Variants in F2 observed in about 807,000 individuals in gnomAD.
F2 encodes prothrombin.
F2 carries 34 observed loss-of-function variants against 81.9 expected under a neutral mutation model. The observed-to-expected ratio is 0.42, with a 90% confidence interval of 0.32 to 0.55. The LOEUF (loss-of-function observed/expected upper bound fraction) is 0.55, where lower values mean the gene tolerates loss of function less well. Among genes scored for constraint, F2 ranks in the 20% least tolerant of loss-of-function variants. The probability of loss-of-function intolerance (pLI) is 0.18; values close to 1 mark genes in which losing one functional copy is unlikely to be tolerated. For missense variants in F2, 630 were observed against 833.4 expected, an observed-to-expected ratio of 0.76 and a Z score of 3.00; for synonymous variants, 296 against 326.4, an observed-to-expected ratio of 0.91 and a Z score of 1.01.
At chr11:46,738,635 A>T (rs1365656624) in intron 12 of F2, among the ~76,000 whole-genome samples, 1 of 151,904 alleles carries the variant, frequency 6.6e-6, no homozygotes, top group Non-Finnish European at 1.5e-5. Context: ...CACCATGCCC[A>T]GCTAATTTTT....
intron 6 of F2, among the ~76,000 whole-genome samples, chr11:46,724,642 C>T (rs1041758803): frequency 1.1e-4 from 16 of 152,200 alleles, no homozygotes; most frequent in African/African-American, 3.6e-4. Flanking sequence ...TGTAAAATCA[C>T]AGAGCAAGGG....
chr11:46,732,186 T>A (rs2064917551), intron 12 of F2, among the ~76,000 whole-genome samples: 1 of 152,020 alleles, frequency 6.6e-6, no homozygotes, highest in African/African-American at 2.4e-5. Context: ...AGTGCTGGGA[T>A]TACAGGTGTG....
At chr11:46,721,443 G>A (rs2064836048) in intron 4 of F2, among the ~76,000 whole-genome samples, 1 of 152,174 alleles carries the variant, frequency 6.6e-6, no homozygotes, top group African/African-American at 2.4e-5. Context: ...AGCTTTAGGT[G>A]TCACTGAACC....
At chr11:46,724,392 T>C (rs2064858365) in intron 6 of F2, among the ~76,000 whole-genome samples, 1 of 152,182 alleles carries the variant, frequency 6.6e-6, no homozygotes, top group South Asian at 2.1e-4. Context: ...GTCTGGCTCC[T>C]CGTTGAGGGT....
Position 46,720,751 on chromosome 11 carries a change from TA to T in F2, c.266-38del, listed in dbSNP as rs765766459. 31 of 1,611,694 alleles carry T rather than the reference TA, an allele frequency of 1.9e-5. No homozygotes were observed. The South Asian group carries it at 2.7e-4, about 14-fold the overall frequency. ...CCCTGACTCCAGCTCATCCTGGCCATACCCCAATCCCAAAGGTAAACACCTG... is the reference window on the plus strand; with the variant it reads ...CCCTGACTCCAGCTCATCCTGGCCATCCCCAATCCCAAAGGTAAACACCTG... On this transcript the variant is annotated intron_variant, in intron 3 of 13. Transcript: ENST00000311907.
chr11:46,732,564 AT>A (rs1454385547), intron 12 of F2, among the ~76,000 whole-genome samples: 1 of 151,418 alleles, frequency 6.6e-6, no homozygotes, highest in Non-Finnish European at 1.5e-5. Context: ...CGCCTGGCTA[AT>A]TTTTTGTATT....
rs745891479 is a variant in F2, at chr11:46,723,125, G to A, written c.317-55G>A. 3 of 1,505,812 alleles carry A rather than the reference G, an allele frequency of 2.0e-6. No individual in the cohort carries two copies. The highest frequency in any genetic ancestry group is 4.5e-5 in the East Asian group (2 of 44,382). The allele number at this position is 1,505,812 out of a possible 1,614,324, so 93.3% of individuals were successfully genotyped here. A position where few individuals can be genotyped will look rare whatever the true frequency, so the allele number is the denominator to read the frequency against. On this transcript the variant is annotated intron_variant, in intron 4 of 13. Transcript: ENST00000311907. This position sits in a 1 kb window ranked among gnomAD's most constrained non-coding sequence, Gnocchi z 5.6. ...GGTGGGGGATAGACAACTTTGCAGG[G>A]AGAGAGGAAATAAGTCCCCAGGCTC...
At chr11:46,734,748 T>C (rs756869268) in intron 12 of F2, among the ~76,000 whole-genome samples, 1 of 151,890 alleles carries the variant, frequency 6.6e-6, no homozygotes, top group Non-Finnish European at 1.5e-5. Flanking sequence ...GAGGCGGAGG[T>C]TGCAGTGAGC....
At position 46,737,839 on chromosome 11, in the gene F2, CTTTT is replaced by C. The variant is rs112666449; in HGVS notation, c.1655-1200_1655-1197del. On this transcript the variant is annotated intron_variant, in intron 12 of 13. Coordinates refer to ENST00000311907, the MANE Select transcript of F2 (RefSeq NM_000506.5). ...GTTTACTTTGCTGTTCTCTTGCTAG[CTTTT>C]TTTTTTTTCAGATAGGGTCTTGCTC... Among the ~76,000 whole-genome samples the C allele has an allele frequency of 4.2e-5, 6 of 141,356 alleles. No individual in the cohort carries two copies. In the South Asian group the frequency reaches 1.4e-3, roughly 32 times the overall value. 92.7% of individuals were successfully genotyped at this position (141,356 alleles called of 152,430 possible).
intron 4 of F2, 136 bp downstream of exon 4, chr11:46,720,976 C>A: frequency 1.2e-6 from 1 of 846,650 alleles, no homozygotes; most frequent in South Asian, 1.4e-5. Flanking sequence ...TTCCTGGGGT[C>A]AAGATGTCTC....
chr11:46,728,804 C>T lies in F2; in HGVS notation c.1439C>T (p.Pro480Leu), dbSNP rs769172477. 6.2e-7 allele frequency: 1 copy of T among 1,614,140 alleles called. No homozygotes were observed. Among genetic ancestry groups the T allele is most frequent in the Admixed American group, 1.7e-5 (1 of 60,018 alleles). The change falls in exon 11 of 14, where the codon CCT becomes CTT. Residue 480 changes from proline to leucine, a missense_variant. Pro to Leu is a moderately conservative substitution (Grantham distance 98). Coordinates refer to ENST00000311907, the MANE Select transcript of F2 (RefSeq NM_000506.5). The surrounding 1 kb of genome is among the most constrained non-coding windows in gnomAD (Gnocchi z 5.1). ...KPVAFSDYIH[P>L]VCLPDRETAA... Reference sequence around the variant, plus strand: ...GTTGCCTTCAGTGACTACATTCACCCTGTGTGTCTGCCCGACAGGGAGACG... The same window carrying T: ...GTTGCCTTCAGTGACTACATTCACCTTGTGTGTCTGCCCGACAGGGAGACG...
chr11:46,728,633 C>T lies in F2; in HGVS notation c.1299-31C>T, dbSNP rs896788186. On this transcript the variant is annotated intron_variant, in intron 10 of 13. Transcript: ENST00000311907. This position sits in a 1 kb window ranked among gnomAD's most constrained non-coding sequence, Gnocchi z 5.1. ...TGCTCCTTGCTGGGTGAACCTGCAG[C>T]TTCTCCATTTCTTTCTTGGGGTCTC... The T allele has an allele frequency of 1.2e-6, 2 of 1,612,260 alleles. No homozygotes were observed. Among genetic ancestry groups the T allele is most frequent in the Non-Finnish European group, 1.7e-6 (2 of 1,178,458 alleles).
At chr11:46,738,218 C>G (rs1230394727) in intron 12 of F2, among the ~76,000 whole-genome samples, 1 of 151,978 alleles carries the variant, frequency 6.6e-6, no homozygotes, top group Non-Finnish European at 1.5e-5. Flanking sequence ...CCAGGCTGGT[C>G]TTAAACTCCT....
intron 12 of F2, among the ~76,000 whole-genome samples, chr11:46,731,833 A>G (rs2064913588): frequency 6.6e-6 from 1 of 151,890 alleles, no homozygotes; most frequent in South Asian, 2.1e-4. Context: ...TGAGGAAGGC[A>G]ATGTCTGCCA....
At position 46,723,485 on chromosome 11, in the gene F2, G is replaced by A. The variant is rs752361229; in HGVS notation, c.526G>A (p.Val176Met). 59 of 1,614,032 alleles carry A rather than the reference G, an allele frequency of 3.7e-5. No individual in the cohort carries two copies. In the South Asian group the frequency reaches 4.3e-4, roughly 12 times the overall value. The change falls in exon 6 of 14, where the codon GTG becomes ATG. Residue 176 changes from valine to methionine, a missense_variant. Val to Met is a conservative substitution (Grantham distance 21). Transcript: ENST00000311907. The surrounding 1 kb of genome is among the most constrained non-coding windows in gnomAD (Gnocchi z 5.6). ...GPWCYTTDPTVRRQECSIPVC... is the reference protein window; with the variant it reads ...GPWCYTTDPTMRRQECSIPVC... ...CTGGTGCTACACTACAGACCCCACC[G>A]TGAGGAGGCAGGAATGCAGCATCCC...
intron 12 of F2, among the ~76,000 whole-genome samples, chr11:46,732,559 G>A (rs2064920077): frequency 6.6e-6 from 1 of 151,582 alleles, no homozygotes; most frequent in Non-Finnish European, 1.5e-5. Context: ...CACCACGCCT[G>A]GCTAATTTTT....
intron 4 of F2, among the ~76,000 whole-genome samples, chr11:46,721,411 G>T (rs1436618967): frequency 6.6e-6 from 1 of 152,128 alleles, no homozygotes; most frequent in Admixed American, 6.5e-5. Context: ...TCAGAGCTTT[G>T]ATGATGTCAC....
intron 6 of F2, among the ~76,000 whole-genome samples, chr11:46,725,653 C>T (rs1363644781): frequency 1.3e-5 from 2 of 152,182 alleles, no homozygotes; most frequent in African/African-American, 2.4e-5. Flanking sequence ...GACACTTATG[C>T]TGTATATTTT....
At position 46,724,311 on chromosome 11, in the gene F2, C is replaced by T. The variant is rs3136456; in HGVS notation, c.559+793C>T. 6.6e-5 allele frequency among the ~76,000 whole-genome samples: 10 copies of T among 152,208 alleles called. No individual in the cohort carries two copies. The South Asian group carries it at 1.7e-3, about 25-fold the overall frequency. On this transcript the variant is annotated intron_variant, in intron 6 of 13. Coordinates refer to ENST00000311907, the MANE Select transcript of F2 (RefSeq NM_000506.5). ...GCAGGTGTGGCTGCACTCGCTAATG[C>T]GTCTGTAGGGTCAACTGACGGAGGT...
Sources: gnomAD v4.1 joint callset for allele counts (sites outside exome capture counted in the v4.1 genomes callset) on GRCh38, gnomAD v4.1.1 for gene constraint, Gnocchi (gnomAD v3.1) non-coding constraint, MANE v1.5 for transcripts, NCBI Gene and HGNC (gene_info 2026-07-23, HGNC 2026-07-21) for gene names.